The following IFT81 variants were observed in gnomAD, a reference collection of about 807,000 sequenced individuals.
IFT81 encodes the protein intraflagellar transport protein 81 homolog.
IFT81 carries 72 observed loss-of-function variants against 102.6 expected under a neutral mutation model. That is an observed-to-expected ratio of 0.70 (90% CI 0.58 to 0.85). The LOEUF is 0.85. Ranked by LOEUF, IFT81 falls within the 40% of genes least tolerant of loss-of-function variation. IFT81 has a pLI of 0.00. For synonymous variants in IFT81, 237 were observed against 242.7 expected (o/e 0.98, Z 0.22); for missense variants, 723 against 787.3 (o/e 0.92, Z 0.98).
At chr12:110,144,632 TCCCAAGTAG>T (rs896684371) in intron 9 of IFT81, among the ~76,000 whole-genome samples, 3 of 152,020 alleles carry the variant, frequency 2.0e-5, no homozygotes, top group Non-Finnish European at 4.4e-5. Context: ...TGCCTCAGCC[TCCCAAGTAG>T]CTGGGACTAC....
intron 11 of IFT81, among the ~76,000 whole-genome samples, chr12:110,172,580 G>A (rs1896793262): frequency 6.6e-6 from 1 of 152,184 alleles, no homozygotes; most frequent in South Asian, 2.1e-4. Context: ...GTGGAGACAG[G>A]GTTTCGCTGT....
chr12:110,193,175 C>A (rs576529901), intron 14 of IFT81, among the ~76,000 whole-genome samples: 1 of 151,848 alleles, frequency 6.6e-6, no homozygotes, highest in East Asian at 1.9e-4. Context: ...ACCCCTCCCC[C>A]CAAAAATGAC....
chr12:110,187,743 A>G (rs1897599199), intron 12 of IFT81, among the ~76,000 whole-genome samples: 1 of 152,078 alleles, frequency 6.6e-6, no homozygotes. Context: ...AGTTGAGGGT[A>G]GCTTTTTTGT....
intron 4 of IFT81, among the ~76,000 whole-genome samples, chr12:110,132,144 G>A (rs970937691): frequency 8.6e-5 from 13 of 152,030 alleles, no homozygotes; most frequent in Admixed American, 3.9e-4. Flanking sequence ...TTAAGTAATC[G>A]CTGTAAGTTA....
intron 11 of IFT81, among the ~76,000 whole-genome samples, chr12:110,177,530 C>G (rs964541803): frequency 1.3e-5 from 2 of 152,176 alleles, no homozygotes; most frequent in Admixed American, 1.3e-4. Context: ...GCAGTCCCCC[C>G]ACCTCAGCCT....
intron 18 of IFT81, among the ~76,000 whole-genome samples, chr12:110,212,609 G>C (rs1316735647): frequency 1.3e-5 from 2 of 151,744 alleles, no homozygotes; most frequent in Non-Finnish European, 2.9e-5. Flanking sequence ...GGCCAAGGTG[G>C]GTGGGTCACC....
At chr12:110,169,934 T>C (rs11832140) in intron 11 of IFT81, among the ~76,000 whole-genome samples, 10 of 151,846 alleles carry the variant, frequency 6.6e-5, no homozygotes, top group African/African-American at 2.4e-4. Flanking sequence ...TTGGGTTGGG[T>C]TTTTTAATCT....
intron 11 of IFT81, among the ~76,000 whole-genome samples, chr12:110,173,690 T>C (rs1235929513): frequency 1.3e-5 from 2 of 152,210 alleles, no homozygotes; most frequent in African/African-American, 2.4e-5. Context: ...CTCTGAAACA[T>C]GTGCTGTGTC....
chr12:110,206,555 G>C (rs908244903), intron 17 of IFT81, among the ~76,000 whole-genome samples: 1 of 151,988 alleles, frequency 6.6e-6, no homozygotes, highest in Non-Finnish European at 1.5e-5. Context: ...GGCGCCCGTA[G>C]TCCCAGCTAC....
At chr12:110,180,627 T>C in intron 12 of IFT81, 56 bp downstream of exon 12, 1 of 1,343,130 alleles carries the variant, frequency 7.4e-7, no homozygotes, top group Non-Finnish European at 1.0e-6. Flanking sequence ...GGTTTATGGG[T>C]TACAGCTTTA....
At chr12:110,144,264 T>C (rs1461106000) in intron 9 of IFT81, among the ~76,000 whole-genome samples, 1 of 151,908 alleles carries the variant, frequency 6.6e-6, no homozygotes, top group African/African-American at 2.4e-5. Context: ...TTGCCCAGGC[T>C]GGAGTGCAGT....
chr12:110,160,764 C>A (rs1025172834), intron 10 of IFT81, among the ~76,000 whole-genome samples: 1 of 152,170 alleles, frequency 6.6e-6, no homozygotes. Flanking sequence ...TTCCTTATGT[C>A]TTCCGACTGA....
At chr12:110,141,050 G>A (rs556531864) in intron 8 of IFT81, among the ~76,000 whole-genome samples, 261 of 150,210 alleles carry the variant, frequency 1.7e-3, no homozygotes, top group Non-Finnish European at 1.6e-3. Flanking sequence ...CTGAGACGGA[G>A]TTTTGCTCTT....
chr12:110,170,370 A>G (rs146504314), intron 11 of IFT81, among the ~76,000 whole-genome samples: 2 of 152,092 alleles, frequency 1.3e-5, no homozygotes, highest in South Asian at 2.1e-4. Flanking sequence ...GCCTTCAGCT[A>G]CCTCTTTTGG....
intron 5 of IFT81, among the ~76,000 whole-genome samples, chr12:110,134,580 T>C (rs2137317269): frequency 6.6e-6 from 1 of 152,302 alleles, no homozygotes; most frequent in African/African-American, 2.4e-5. Context: ...ACAGAACAGA[T>C]GGGATGTCAG....
At chr12:110,152,177 G>A (rs1410951074) in intron 10 of IFT81, among the ~76,000 whole-genome samples, 1 of 152,132 alleles carries the variant, frequency 6.6e-6, no homozygotes, top group African/African-American at 2.4e-5. Flanking sequence ...ACACACTAGT[G>A]GGATTGCTGG....
intron 14 of IFT81, among the ~76,000 whole-genome samples, chr12:110,199,509 A>G (rs191637448): frequency 6.6e-6 from 1 of 152,336 alleles, no homozygotes; most frequent in African/African-American, 2.4e-5. Context: ...TCACTGTCAC[A>G]GCTGCATAGT....
intron 11 of IFT81, among the ~76,000 whole-genome samples, chr12:110,177,801 A>G (rs1263585515): frequency 2.0e-5 from 3 of 152,132 alleles, no homozygotes; most frequent in African/African-American, 7.2e-5. Flanking sequence ...TGCTTTCAAA[A>G]TTGGAAGGAA....
At position 110,185,898 on chromosome 12, in the gene IFT81, G is replaced by A. The variant is rs570550618; in HGVS notation, c.1339-5022G>A. Among the ~76,000 whole-genome samples, 50 of 152,084 alleles carry A rather than the reference G, an allele frequency of 3.3e-4. No individual in the cohort carries two copies. In the South Asian group the frequency reaches 1.0e-2, roughly 30 times the overall value. The stretch of plus-strand genomic sequence containing the variant: ...TACAGGTGTGAGCCACTGTGCTGGG[G>A]CCTAGATAGATTTAAATCGTACATG... On this transcript the variant is annotated intron_variant, in intron 12 of 18. Transcript: ENST00000242591.
Sources: gnomAD v4.1 joint callset for allele counts (sites outside exome capture counted in the v4.1 genomes callset) on GRCh38, gnomAD v4.1.1 for gene constraint, MANE v1.5 for transcripts, NCBI Gene and HGNC (gene_info 2026-07-23, HGNC 2026-07-21) for gene names.